The following MTM1 variants were observed in gnomAD, a reference collection of about 807,000 sequenced individuals.
MTM1 encodes myotubularin.
In MTM1, 9 loss-of-function variants were observed where a neutral mutation model predicts 52.1. The observed-to-expected ratio is 0.17, with a 90% confidence interval of 0.10 to 0.30. The LOEUF is 0.30. Among genes scored for constraint, MTM1 ranks in the 10% least tolerant of loss-of-function variants. The pLI is 1.00. For synonymous variants in MTM1, 136 were observed against 163.8 expected, an observed-to-expected ratio of 0.83 and a Z score of 1.29; for missense variants, 277 against 470.7, an observed-to-expected ratio of 0.59 and a Z score of 3.81.
chrX:150,602,128 C>T (rs1212827387), intron 4 of MTM1, among the ~76,000 whole-genome samples: 6 of 112,014 alleles, frequency 5.4e-5, no homozygotes, highest in Admixed American at 9.5e-5. Context: ...GCTATGAAAC[C>T]TTCCCTGGCC....
At position 150,672,358 on chromosome X, in the gene MTM1, AAG is replaced by A. The variant is rs1557415181; in HGVS notation, c.*768_*769del. 3 of 111,840 alleles carry A rather than the reference AAG, an allele frequency of 2.7e-5. No homozygotes were observed. The highest frequency in any genetic ancestry group is 9.8e-5 in the African/African-American group (3 of 30,754). 9.2% of individuals were successfully genotyped at this position (111,840 alleles called of 1,213,427 possible). A position where few individuals can be genotyped will look rare whatever the true frequency, so the allele number is the denominator to read the frequency against. ...GGTTTTCGGGTTGTGGCAAACCCCA[AAG>A]AGAGCACTGTCCAAGGATGTCGGGA... On this transcript the variant is annotated 3_prime_UTR_variant, in exon 15 of 15. Coordinates refer to ENST00000370396, the MANE Select transcript of MTM1 (RefSeq NM_000252.3).
intron 2 of MTM1, among the ~76,000 whole-genome samples, chrX:150,595,406 T>C (rs1331689068): frequency 9.0e-6 from 1 of 111,600 alleles, no homozygotes; most frequent in Non-Finnish European, 1.9e-5. Flanking sequence ...AGGCAGACGT[T>C]GCAGTAAGCC....
chrX:150,668,125 G>A (rs1261983423), intron 14 of MTM1, among the ~76,000 whole-genome samples: 1 of 112,746 alleles, frequency 8.9e-6, no homozygotes, highest in African/African-American at 3.2e-5. Flanking sequence ...GCTGCCATAA[G>A]CCAAGGAACA....
intron 1 of MTM1, among the ~76,000 whole-genome samples, chrX:150,581,353 G>A (rs2038580801): frequency 8.9e-6 from 1 of 112,012 alleles, no homozygotes; most frequent in Non-Finnish European, 1.9e-5. Context: ...TATATGATCT[G>A]ACAGGCTTTT....
chrX:150,646,609 C>T (rs1338312449), intron 9 of MTM1, among the ~76,000 whole-genome samples: 7 of 112,500 alleles, frequency 6.2e-5, no homozygotes, highest in Non-Finnish European at 1.3e-4. Context: ...TCCTTCTCCT[C>T]CCATCATTGC....
intron 5 of MTM1, among the ~76,000 whole-genome samples, chrX:150,615,906 C>T (rs1226974795): frequency 9.0e-6 from 1 of 111,262 alleles, no homozygotes; most frequent in Non-Finnish European, 1.9e-5. Flanking sequence ...ATCCCAGCTA[C>T]TGTCTACCCT....
chrX:150,637,650 G>C lies in MTM1; in HGVS notation c.445-1293G>C, dbSNP rs151299772. Among the ~76,000 whole-genome samples the C allele has an allele frequency of 5.1e-3, 567 of 112,145 alleles. 4 individuals carry two copies. Among genetic ancestry groups the C allele is most frequent in the Non-Finnish European group, 9.0e-3 (481 of 53,184 alleles). On this transcript the variant is annotated intron_variant, in intron 6 of 14. Transcript: ENST00000370396. ...TGTGAGGGTAACATGTTTTTTTGTA[G>C]GGTGTCGGAGAAGGTCTTACTGATT...
chrX:150,637,517 A>G (rs1173161793), intron 6 of MTM1, among the ~76,000 whole-genome samples: 2 of 111,772 alleles, frequency 1.8e-5, no homozygotes, highest in Non-Finnish European at 3.8e-5. Flanking sequence ...CATGGAGCCC[A>G]TGTCCTAGGG....
At chrX:150,595,168 A>G (rs1322918682) in intron 2 of MTM1, among the ~76,000 whole-genome samples, 1 of 111,924 alleles carries the variant, frequency 8.9e-6, no homozygotes, top group East Asian at 2.8e-4. Context: ...ATAGCCTCTG[A>G]TAATTTACAG....
Position 150,584,337 on chromosome X carries a change from TATA to T in MTM1, c.-10-8265_-10-8263del, listed in dbSNP as rs782816912. Among the ~76,000 whole-genome samples the T allele has an allele frequency of 1.9e-4, 21 of 110,650 alleles. No homozygotes were observed. In the South Asian group the frequency reaches 7.5e-3, roughly 40 times the overall value. ...GAGAAAAGCAAGTGGCAGAAGAATATATAATGATTCCATTTACATAAGACTTCA... is the reference window on the plus strand; with the variant it reads ...GAGAAAAGCAAGTGGCAGAAGAATATATGATTCCATTTACATAAGACTTCA... On this transcript the variant is annotated intron_variant, in intron 1 of 14. Transcript: ENST00000370396.
intron 5 of MTM1, among the ~76,000 whole-genome samples, chrX:150,617,313 CCT>C (rs2039402333): frequency 8.9e-6 from 1 of 112,089 alleles, no homozygotes; most frequent in Non-Finnish European, 1.9e-5. Flanking sequence ...GAAGAAAGTT[CCT>C]CACAGGGCCT....
intron 6 of MTM1, 52 bp from the exon 7 acceptor site, chrX:150,638,891 A>G (rs2039799893): frequency 2.2e-6 from 2 of 909,271 alleles, no homozygotes; most frequent in African/African-American, 3.9e-5. Flanking sequence ...ATGTACTATA[A>G]TAGTAGACTG....
chrX:150,572,861 G>A (rs1424783570), intron 1 of MTM1, among the ~76,000 whole-genome samples: 1 of 112,841 alleles, frequency 8.9e-6, no homozygotes, highest in African/African-American at 3.2e-5. Flanking sequence ...GCCTTTTCTC[G>A]TTAAAGTTGT....
intron 11 of MTM1, among the ~76,000 whole-genome samples, chrX:150,659,325 A>G (rs16996694): frequency 0.014 from 1,537 of 112,102 alleles, 33 homozygotes; most frequent in African/African-American, 0.047. Context: ...GGTTGAGTGT[A>G]TTGCTAACAT....
At chrX:150,665,279 G>A (rs1285285345) in intron 14 of MTM1, among the ~76,000 whole-genome samples, 2 of 112,271 alleles carry the variant, frequency 1.8e-5, no homozygotes, top group Non-Finnish European at 3.8e-5. Flanking sequence ...GTTCTCATGC[G>A]TCAGGCACTA....
At chrX:150,648,035 C>T (rs1341039854) in intron 9 of MTM1, among the ~76,000 whole-genome samples, 2 of 111,985 alleles carry the variant, frequency 1.8e-5, no homozygotes, top group African/African-American at 6.5e-5. Flanking sequence ...TTAAAAACCA[C>T]ATGTGTAGAG....
intron 8 of MTM1, 136 bp from the exon 9 acceptor site, chrX:150,645,546 CA>C: frequency 1.8e-6 from 1 of 560,050 alleles, no homozygotes; most frequent in Non-Finnish European, 3.0e-6. Context: ...AGTGAGATTG[CA>C]AGTGAACAAG....
chrX:150,623,567 A>C (rs1307802984), intron 6 of MTM1, among the ~76,000 whole-genome samples: 1 of 110,653 alleles, frequency 9.0e-6, no homozygotes, highest in Non-Finnish European at 1.9e-5. Context: ...GAAAATGAAT[A>C]TATTTGTGGA....
At chrX:150,642,068 T>C (rs1043189956) in intron 8 of MTM1, among the ~76,000 whole-genome samples, 1 of 104,301 alleles carries the variant, frequency 9.6e-6, no homozygotes, top group Non-Finnish European at 2.0e-5. Flanking sequence ...TTTCAGGGTC[T>C]GTCATAAGTA....
Sources: allele counts gnomAD v4.1 joint callset (sites outside exome capture counted in the v4.1 genomes callset), GRCh38; gene constraint gnomAD v4.1.1; transcripts MANE v1.5; gene names NCBI Gene and HGNC (gene_info 2026-07-23, HGNC 2026-07-21).